Variants in PTCHD4 observed in about 807,000 individuals in gnomAD.
PTCHD4 encodes the protein patched domain containing 4.
Under a neutral mutation model 58.1 loss-of-function variants are expected in PTCHD4, and 33 were observed. That is an observed-to-expected ratio of 0.57 (90% confidence interval 0.43 to 0.76). PTCHD4 has a LOEUF of 0.76. Ranked by LOEUF, PTCHD4 falls within the 30% of genes least tolerant of loss-of-function variation. PTCHD4 has a pLI of 0.00. For missense variants in PTCHD4, 1,058 were observed against 1,027.1 expected, an observed-to-expected ratio of 1.03 and a Z score of -0.41; for synonymous variants, 478 against 409.6, an observed-to-expected ratio of 1.17 and a Z score of -2.02.
At chr6:48,098,344 T>TCTTCTTCTTCTTCTTCTTCTTCTTC (rs1172430988) in intron 1 of PTCHD4, among the ~76,000 whole-genome samples, 143 of 137,710 alleles carry the variant, frequency 1.0e-3, no homozygotes, top group Admixed American at 1.3e-3. Flanking sequence ...TTCTTCTTCT[T>TCTTCTTCTTCTTCTTCTTCTTCTTC]TTTTTTTTTT....
chr6:48,040,214 A>G (rs1763795091), intron 3 of PTCHD4, among the ~76,000 whole-genome samples: 1 of 152,116 alleles, frequency 6.6e-6, no homozygotes, highest in Non-Finnish European at 1.5e-5. Flanking sequence ...CTATCAATCC[A>G]AGGAGGCTGA....
chr6:47,905,407 T>C (rs951419465), intron 4 of PTCHD4, among the ~76,000 whole-genome samples: 4 of 152,176 alleles, frequency 2.6e-5, no homozygotes, highest in African/African-American at 9.7e-5. Flanking sequence ...TATGGTTTAA[T>C]TCAGCAAACA....
chr6:47,950,778 G>A (rs913205048), intron 4 of PTCHD4, among the ~76,000 whole-genome samples: 2 of 152,114 alleles, frequency 1.3e-5, no homozygotes, highest in Non-Finnish European at 2.9e-5. Flanking sequence ...GTCACCAAGC[G>A]AGTCAATAGA....
chr6:47,997,234 C>T (rs955181424), intron 4 of PTCHD4, among the ~76,000 whole-genome samples: 8 of 152,002 alleles, frequency 5.3e-5, no homozygotes, highest in Admixed American at 2.6e-4. Flanking sequence ...GCCAGTTAAC[C>T]TCCTTCCTCT....
Position 47,874,539 on chromosome 6 carries a change from C to T in PTCHD4, c.*3764G>A, listed in dbSNP as rs549810653. Among the ~76,000 whole-genome samples, 3 of 151,790 alleles carry T rather than the reference C, an allele frequency of 2.0e-5. No individual in the cohort carries two copies. The South Asian group carries it at 6.2e-4, about 31-fold the overall frequency. On this transcript the variant is annotated 3_prime_UTR_variant, in exon 5 of 5. Coordinates refer to ENST00000339488, the MANE Select transcript of PTCHD4 (RefSeq NM_001384253.1). ...TTAATCCTTAGCTCTAACCACAAGC[C>T]TAGAAGGATTAGCTTATTACGGGGA... is the stretch of plus-strand genomic sequence containing the variant.
chr6:47,902,444 T>A (rs1348936814), intron 4 of PTCHD4, among the ~76,000 whole-genome samples: 1 of 152,166 alleles, frequency 6.6e-6, no homozygotes, highest in East Asian at 1.9e-4. Context: ...AGGTACTGCA[T>A]AAAATTCAGG....
chr6:47,917,271 T>C (rs9381629), intron 4 of PTCHD4, among the ~76,000 whole-genome samples: 96,331 of 151,462 alleles, frequency 0.64, 31,225 homozygotes, highest in East Asian at 0.78. Context: ...TCATTCATTT[T>C]GAAATTCCCA....
rs1763677318 is a variant in PTCHD4, at chr6:47,870,168, C to T, written c.*8135G>A. ...TGAGATAGCCAGAAATGCTGTTTAA[C>T]TTTGCCTAGTGGCACTGTAGTAAAT... is the stretch of plus-strand genomic sequence containing the variant. On this transcript the variant is annotated 3_prime_UTR_variant, in exon 5 of 5. Transcript: ENST00000339488. Among the ~76,000 whole-genome samples, 1 of 151,646 alleles carries T rather than the reference C, an allele frequency of 6.6e-6. No homozygotes were observed. Among genetic ancestry groups the T allele is most frequent in the African/African-American group, 2.4e-5 (1 of 41,364 alleles).
chr6:47,873,896 C>T lies in PTCHD4; in HGVS notation c.*4407G>A, dbSNP rs1431353181. On this transcript the variant is annotated 3_prime_UTR_variant, in exon 5 of 5. Transcript: ENST00000339488. ...AAAGGGAAGAAAAGTGCTTCTGAGGCTCTTTTGGAATAAGTAACAGTTTTC... is the reference window on the plus strand; with the variant it reads ...AAAGGGAAGAAAAGTGCTTCTGAGGTTCTTTTGGAATAAGTAACAGTTTTC... Among the ~76,000 whole-genome samples, 1 of 151,624 alleles carries T rather than the reference C, an allele frequency of 6.6e-6. No individual in the cohort carries two copies. Among genetic ancestry groups the T allele is most frequent in the African/African-American group, 2.4e-5 (1 of 41,362 alleles).
chr6:47,926,181 G>A (rs1765609255), intron 4 of PTCHD4, among the ~76,000 whole-genome samples: 2 of 152,174 alleles, frequency 1.3e-5, no homozygotes, highest in Non-Finnish European at 2.9e-5. Context: ...GAGATGAGGA[G>A]CAAAGGTGAG....
chr6:48,015,167 A>G (rs1289582537), intron 3 of PTCHD4, among the ~76,000 whole-genome samples: 1 of 152,026 alleles, frequency 6.6e-6, no homozygotes, highest in Non-Finnish European at 1.5e-5. Context: ...GCTGTTTTCA[A>G]TGCTCTCCTA....
chr6:47,886,314 A>G (rs1238857480), intron 4 of PTCHD4, among the ~76,000 whole-genome samples: 3 of 152,056 alleles, frequency 2.0e-5, no homozygotes, highest in African/African-American at 4.8e-5. Context: ...TTTCTTTGCT[A>G]TGTTGCTTTA....
At chr6:47,956,590 C>T (rs1030383671) in intron 4 of PTCHD4, among the ~76,000 whole-genome samples, 10 of 152,016 alleles carry the variant, frequency 6.6e-5, no homozygotes, top group South Asian at 6.2e-4. Flanking sequence ...CCCACCACCA[C>T]GCCCGGCTAA....
At chr6:47,990,391 GT>G (rs1768235621) in intron 4 of PTCHD4, among the ~76,000 whole-genome samples, 2 of 152,072 alleles carry the variant, frequency 1.3e-5, no homozygotes, top group African/African-American at 4.8e-5. Flanking sequence ...ATATGGTTTG[GT>G]TGTGTCCCCA....
At chr6:47,938,474 T>C (rs1766096403) in intron 4 of PTCHD4, among the ~76,000 whole-genome samples, 1 of 152,126 alleles carries the variant, frequency 6.6e-6, no homozygotes, top group African/African-American at 2.4e-5. Flanking sequence ...AAAAGGTAGA[T>C]TGTGATCCTA....
chr6:47,985,577 A>G (rs2114020554), intron 4 of PTCHD4, among the ~76,000 whole-genome samples: 1 of 152,252 alleles, frequency 6.6e-6, no homozygotes, highest in East Asian at 1.9e-4. Context: ...TCCTTCATTT[A>G]GTGGATGATG....
At chr6:47,976,821 T>A (rs995250307) in intron 4 of PTCHD4, among the ~76,000 whole-genome samples, 2 of 152,004 alleles carry the variant, frequency 1.3e-5, no homozygotes, top group South Asian at 2.1e-4. Context: ...AAGTTCAGCA[T>A]CAACAATAAG....
chr6:48,075,968 G>T (rs1382718729), intron 1 of PTCHD4, among the ~76,000 whole-genome samples: 1 of 152,166 alleles, frequency 6.6e-6, no homozygotes, highest in Non-Finnish European at 1.5e-5. Context: ...AGATTTCTCT[G>T]TAGCATGAAA....
In PTCHD4 at chr6:47,874,917, C is replaced by T. The variant is rs114668886; in HGVS notation, c.*3386G>A. On this transcript the variant is annotated 3_prime_UTR_variant, in exon 5 of 5. Transcript: ENST00000339488. ...AGGTATGATTACCTTTAACCATAAACGGTAAAAAATCTTTTAGCTGATCTC... is the reference window on the plus strand; with the variant it reads ...AGGTATGATTACCTTTAACCATAAATGGTAAAAAATCTTTTAGCTGATCTC... 0.032 allele frequency among the ~76,000 whole-genome samples: 4,825 copies of T among 151,758 alleles called. 144 individuals are homozygous for T. Among genetic ancestry groups the T allele is most frequent in the Non-Finnish European group, 0.047 (3,190 of 67,766 alleles).
Sources: allele counts gnomAD v4.1 joint callset (sites outside exome capture counted in the v4.1 genomes callset), GRCh38; gene constraint gnomAD v4.1.1; transcripts MANE v1.5; gene names NCBI Gene and HGNC (gene_info 2026-07-23, HGNC 2026-07-21).